Variants in SLC8A1 observed in about 807,000 individuals in gnomAD.
SLC8A1 encodes sodium/calcium exchanger 1.
In SLC8A1, 18 loss-of-function variants were observed where a neutral mutation model predicts 68.3. The observed-to-expected ratio is 0.26, with a 90% confidence interval of 0.18 to 0.39. The LOEUF (loss-of-function observed/expected upper bound fraction) is 0.39, where lower values mean the gene tolerates loss of function less well. Ranked by LOEUF, SLC8A1 falls within the 10% of genes least tolerant of loss-of-function variation. The pLI is 1.00. For synonymous variants in SLC8A1, 475 were observed against 415.5 expected (o/e 1.14, Z -1.74); for missense variants, 985 against 1,156.7 (o/e 0.85, Z 2.15).
exon 8 of SLC8A1, chr2:40,115,588 C>T (rs1359271523): frequency 1.9e-6 from 3 of 1,612,526 alleles, no homozygotes; most frequent in Non-Finnish European, 2.5e-6. Flanking sequence ...GAGGCGTCTG[C>T]ATACTGGTCC....
At chr2:40,203,467 CCATAAA>C (rs1206212292) in intron 2 of SLC8A1, among the ~76,000 whole-genome samples, 1 of 151,942 alleles carries the variant, frequency 6.6e-6, no homozygotes, top group Non-Finnish European at 1.5e-5. Flanking sequence ...TGTTTTACAT[CCATAAA>C]CTACTCCCAA....
At chr2:40,119,986 C>T (rs991344565) in intron 7 of SLC8A1, among the ~76,000 whole-genome samples, 14 of 152,188 alleles carry the variant, frequency 9.2e-5, no homozygotes, top group African/African-American at 3.4e-4. Flanking sequence ...TTGCCCAAGT[C>T]ATCTGGTCAA....
At chr2:40,306,468 G>A (rs570020006) in intron 2 of SLC8A1, among the ~76,000 whole-genome samples, 4 of 152,036 alleles carry the variant, frequency 2.6e-5, no homozygotes, top group South Asian at 4.2e-4. Flanking sequence ...GGGGCATAGC[G>A]TGGAATATTT....
intron 2 of SLC8A1, among the ~76,000 whole-genome samples, chr2:40,219,849 C>G (rs1169309261): frequency 2.4e-3 from 59 of 24,868 alleles, no homozygotes; most frequent in African/African-American, 5.6e-3. Flanking sequence ...TGTGATTTAG[C>G]TCCAACAGAG....
intron 2 of SLC8A1, among the ~76,000 whole-genome samples, chr2:40,276,461 G>A (rs780835745): frequency 1.5e-4 from 23 of 152,202 alleles, no homozygotes; most frequent in Non-Finnish European, 3.2e-4. Flanking sequence ...TCATTTCAGA[G>A]AATGTCTATT....
At chr2:40,189,988 C>A (rs1034808990) in intron 2 of SLC8A1, 1 of 152,138 alleles carries the variant, frequency 6.6e-6, no homozygotes, top group Non-Finnish European at 1.5e-5. Flanking sequence ...AGGAGAAATT[C>A]TCTCCTCGGT....
At chr2:40,430,882 T>C (rs1375738956) in intron 1 of SLC8A1, among the ~76,000 whole-genome samples, 1 of 152,188 alleles carries the variant, frequency 6.6e-6, no homozygotes, top group African/African-American at 2.4e-5. Context: ...CTGTATTTCA[T>C]GAAATCATGT....
chr2:40,288,011 T>C (rs149957117), intron 2 of SLC8A1, among the ~76,000 whole-genome samples: 1 of 152,214 alleles, frequency 6.6e-6, no homozygotes, highest in East Asian at 1.9e-4. Flanking sequence ...TCCTGGTCCT[T>C]TGGCTTGGAA....
intron 2 of SLC8A1, among the ~76,000 whole-genome samples, chr2:40,349,503 C>T (rs1157608269): frequency 6.6e-6 from 1 of 152,192 alleles, no homozygotes; most frequent in Non-Finnish European, 1.5e-5. Flanking sequence ...TTCCTCATAG[C>T]AGCTAAATGA....
At chr2:40,342,804 G>A (rs915133981) in intron 2 of SLC8A1, among the ~76,000 whole-genome samples, 1 of 152,136 alleles carries the variant, frequency 6.6e-6, no homozygotes, top group Non-Finnish European at 1.5e-5. Flanking sequence ...AATCTTGGTT[G>A]TTACTAAACA....
At chr2:40,510,756 C>T (rs935029555) in intron 1 of SLC8A1, among the ~76,000 whole-genome samples, 1 of 149,244 alleles carries the variant, frequency 6.7e-6, no homozygotes, top group Admixed American at 6.8e-5. Context: ...AGTAAAATAG[C>T]CTATTTTAGA....
At position 40,288,428 on chromosome 2, in the gene SLC8A1, C is replaced by T. The variant is rs1223964843; in HGVS notation, c.1809-110573G>A. On this transcript the variant is annotated intron_variant, in intron 2 of 7. Transcript: ENST00000406785. The stretch of plus-strand genomic sequence containing the variant: ...CAGGGATGATCTGGCTTCAGTGCAA[C>T]CTCATCAGTGTGAGATATTCTTGCT... Among the ~76,000 whole-genome samples, 5 of 152,236 alleles carry T rather than the reference C, an allele frequency of 3.3e-5. No individual in the cohort carries two copies. In the East Asian group the frequency reaches 9.7e-4, roughly 29 times the overall value.
chr2:40,205,973 T>A (rs1038686287), intron 2 of SLC8A1, among the ~76,000 whole-genome samples: 2 of 151,990 alleles, frequency 1.3e-5, no homozygotes, highest in Non-Finnish European at 2.9e-5. Flanking sequence ...CTTGTATGAT[T>A]TGGTGACACA....
chr2:40,284,993 A>G lies in SLC8A1; in HGVS notation c.1809-107138T>C, dbSNP rs145572080. Among the ~76,000 whole-genome samples the G allele has an allele frequency of 3.5e-3, 531 of 152,266 alleles. 3 individuals are homozygous for G. Among genetic ancestry groups the G allele is most frequent in the African/African-American group, 0.012 (504 of 41,572 alleles). On this transcript the variant is annotated intron_variant, in intron 2 of 7. Coordinates refer to ENST00000406785, the Ensembl canonical transcript of SLC8A1. The stretch of plus-strand genomic sequence containing the variant: ...ACCAGAGAATGTCAGAGTCAATAAC[A>G]TGATTATAAGCCTTATAAGTCATAG...
chr2:40,322,030 C>T (rs989997770), intron 2 of SLC8A1, among the ~76,000 whole-genome samples: 1 of 152,142 alleles, frequency 6.6e-6, no homozygotes, highest in African/African-American at 2.4e-5. Context: ...ATGACTCTCA[C>T]TAGAATTGAC....
intron 5 of SLC8A1, among the ~76,000 whole-genome samples, chr2:40,162,057 A>G (rs2045785183): frequency 6.6e-6 from 1 of 152,200 alleles, no homozygotes; most frequent in African/African-American, 2.4e-5. Context: ...CATTGAGAAG[A>G]TAATAAGCAT....
intron 2 of SLC8A1, among the ~76,000 whole-genome samples, chr2:40,272,641 A>G (rs919797901): frequency 6.6e-6 from 1 of 152,238 alleles, no homozygotes; most frequent in African/African-American, 2.4e-5. Context: ...ACCAAGTCAC[A>G]ACAAGCACAC....
At chr2:40,508,156 G>A (rs1004097324) in intron 1 of SLC8A1, among the ~76,000 whole-genome samples, 1 of 151,916 alleles carries the variant, frequency 6.6e-6, no homozygotes, top group Admixed American at 6.6e-5. Context: ...TGATTATTGT[G>A]TATTATTATT....
intron 2 of SLC8A1, among the ~76,000 whole-genome samples, chr2:40,295,220 C>T (rs1358055492): frequency 6.6e-6 from 1 of 152,056 alleles, no homozygotes; most frequent in Non-Finnish European, 1.5e-5. Flanking sequence ...CAGCCTCAGC[C>T]TCTGGAGTAG....
Sources: allele counts gnomAD v4.1 joint callset (sites outside exome capture counted in the v4.1 genomes callset), GRCh38; gene constraint gnomAD v4.1.1; transcripts MANE v1.5; gene names NCBI Gene and HGNC (gene_info 2026-07-23, HGNC 2026-07-21).